RNLS: variants seen among roughly 807,000 people sequenced by gnomAD.
RNLS encodes renalase.
Under a neutral mutation model 39.8 loss-of-function variants are expected in RNLS, and 39 were observed. That is an observed-to-expected ratio of 0.98 (90% CI 0.76 to 1.28). The LOEUF is 1.28. Ranked by LOEUF, RNLS falls within the 50% of genes most tolerant of loss-of-function variation. RNLS has a pLI of 0.00. For missense variants in RNLS, 410 were observed against 413.3 expected (o/e 0.99, Z 0.07); for synonymous variants, 147 against 150.7 (o/e 0.98, Z 0.18).
At chr10:88,433,954 C>T (rs1344293826) in intron 4 of RNLS, among the ~76,000 whole-genome samples, 5 of 152,228 alleles carry the variant, frequency 3.3e-5, no homozygotes, top group African/African-American at 9.6e-5. Context: ...AATGTTGTTG[C>T]TTAAGAGAAG....
intron 4 of RNLS, among the ~76,000 whole-genome samples, chr10:88,363,858 T>C (rs72820014): frequency 1.3e-5 from 2 of 152,164 alleles, no homozygotes; most frequent in Non-Finnish European, 2.9e-5. Context: ...GCAATAATAG[T>C]ACAGAATGCA....
intron 4 of RNLS, among the ~76,000 whole-genome samples, chr10:88,504,817 T>C (rs898488225): frequency 6.6e-5 from 10 of 150,632 alleles, no homozygotes; most frequent in African/African-American, 2.4e-4. Flanking sequence ...TTGTATGTAT[T>C]GGAGCAAATT....
chr10:88,182,222 G>A, the RNLS span, among the ~76,000 whole-genome samples: 3 of 152,086 alleles, frequency 2.0e-5, no homozygotes, highest in South Asian at 4.1e-4. Flanking sequence ...AGTGTTGATT[G>A]GGAGGCAGCT....
chr10:88,380,854 T>TTAGA (rs1318233725), intron 4 of RNLS, among the ~76,000 whole-genome samples: 3 of 152,178 alleles, frequency 2.0e-5, no homozygotes, highest in African/African-American at 7.2e-5. Flanking sequence ...CTAACTCTTT[T>TTAGA]TAGATGGATA....
At chr10:88,417,120 G>A (rs1384170279) in intron 4 of RNLS, among the ~76,000 whole-genome samples, 1 of 152,158 alleles carries the variant, frequency 6.6e-6, no homozygotes, top group African/African-American at 2.4e-5. Context: ...GGGAGTGGGA[G>A]CCCAGCTAAG....
rs757080039 is a variant in RNLS, at chr10:88,583,123, T to G, written c.68A>C (p.Gln23Pro). The G allele has an allele frequency of 1.2e-6, 2 of 1,614,132 alleles. No individual in the cohort carries two copies. The highest frequency in any genetic ancestry group is 1.1e-5 in the South Asian group (1 of 91,080). ...AGCAAGGTACAAGGGACCGGACGTC[T>G]GCCTCCTCAGCAGCGCAGCGCACAA... ...GSLCAALLRR[Q>P]TSGPLYLAVW... is the part of the protein sequence containing the mutation. Residue 23 changes from glutamine to proline, a missense_variant, in exon 1 of 7, where the codon CAG (glutamine) becomes CCG (proline). Gln to Pro is a moderately conservative substitution (Grantham distance 76). Transcript: ENST00000331772.
downstream of RNLS, among the ~76,000 whole-genome samples, chr10:88,271,964 C>T (rs1298782938): frequency 1.3e-5 from 2 of 152,164 alleles, no homozygotes; most frequent in Non-Finnish European, 2.9e-5. Flanking sequence ...GCAACATGTG[C>T]TGGAGACTTT....
At chr10:88,484,353 T>G (rs1844370662) in intron 4 of RNLS, among the ~76,000 whole-genome samples, 1 of 152,062 alleles carries the variant, frequency 6.6e-6, no homozygotes, top group African/African-American at 2.4e-5. Flanking sequence ...TTAAACACAT[T>G]AACAGATTTA....
the RNLS span, among the ~76,000 whole-genome samples, chr10:88,239,574 G>C: frequency 5.3e-5 from 8 of 152,214 alleles, no homozygotes; most frequent in African/African-American, 1.9e-4. Context: ...CAACTGTCTT[G>C]TTATTAGCAA....
chr10:88,182,151 C>G, the RNLS span, among the ~76,000 whole-genome samples: 1 of 152,090 alleles, frequency 6.6e-6, no homozygotes, highest in East Asian at 1.9e-4. Flanking sequence ...AGGCTAACTG[C>G]CTCTTTTATG....
chr10:88,501,724 CTCATCAGACA>C (rs1230288268), intron 4 of RNLS, among the ~76,000 whole-genome samples: 2 of 152,166 alleles, frequency 1.3e-5, no homozygotes, highest in Admixed American at 6.6e-5. Context: ...AACCCTGGTA[CTCATCAGACA>C]TCATCTATAA....
chr10:88,480,066 T>C (rs1327883006), intron 4 of RNLS, among the ~76,000 whole-genome samples: 1 of 152,200 alleles, frequency 6.6e-6, no homozygotes, highest in Admixed American at 6.5e-5. Flanking sequence ...ACTGAGTTTT[T>C]GCATTGTACT....
intron 5 of RNLS, among the ~76,000 whole-genome samples, chr10:88,324,002 C>A (rs1169679008): frequency 2.0e-5 from 3 of 152,070 alleles, no homozygotes; most frequent in African/African-American, 7.2e-5. Flanking sequence ...CACTAATCAT[C>A]AGAGAAATGC....
intron 4 of RNLS, among the ~76,000 whole-genome samples, chr10:88,497,545 T>C (rs890952308): frequency 6.6e-6 from 1 of 151,930 alleles, no homozygotes; most frequent in African/African-American, 2.4e-5. Flanking sequence ...ATAAATGCCA[T>C]GATTTAAAAC....
intron 4 of RNLS, among the ~76,000 whole-genome samples, chr10:88,459,858 G>A (rs1220265267): frequency 2.0e-5 from 3 of 152,098 alleles, no homozygotes; most frequent in African/African-American, 7.2e-5. Context: ...GCACTAAATG[G>A]GCTATTAGGC....
At chr10:88,315,479 G>T (rs988536538) in intron 5 of RNLS, among the ~76,000 whole-genome samples, 1 of 152,072 alleles carries the variant, frequency 6.6e-6, no homozygotes, top group Admixed American at 6.6e-5. Flanking sequence ...GAAAGCTGAG[G>T]GGAAAACAAT....
intron 6 of RNLS, among the ~76,000 whole-genome samples, chr10:88,307,222 T>C (rs190786868): frequency 2.6e-4 from 39 of 152,300 alleles, no homozygotes; most frequent in Admixed American, 5.9e-4. Context: ...TCATACTGGA[T>C]GGGCAAAAGC....
the RNLS span, among the ~76,000 whole-genome samples, chr10:88,267,962 G>A: frequency 1.3e-5 from 2 of 152,280 alleles, no homozygotes; most frequent in African/African-American, 4.8e-5. Context: ...GCCTTATAGG[G>A]GAGAAACGTT....
At chr10:88,365,311 TAA>T (rs1849978521) in intron 4 of RNLS, among the ~76,000 whole-genome samples, 1 of 151,834 alleles carries the variant, frequency 6.6e-6, no homozygotes, top group East Asian at 1.9e-4. Flanking sequence ...TTACTTTGTT[TAA>T]AAAAGTTTCT....
Sources: allele counts gnomAD v4.1 joint callset (sites outside exome capture counted in the v4.1 genomes callset), GRCh38; gene constraint gnomAD v4.1.1; transcripts MANE v1.5; gene names NCBI Gene and HGNC (gene_info 2026-07-23, HGNC 2026-07-21).